Variants in FUT9 observed in about 807,000 individuals in gnomAD.
FUT9 encodes the protein 4-galactosyl-N-acetylglucosaminide 3-alpha-L-fucosyltransferase 9.
In FUT9, 15 loss-of-function variants were observed where a neutral mutation model predicts 29.7. The ratio of observed to expected loss-of-function variants is 0.51; its 90% CI spans 0.34 to 0.78. The LOEUF (loss-of-function observed/expected upper bound fraction) is 0.78, where lower values mean the gene tolerates loss of function less well. Among genes scored for constraint, FUT9 ranks in the 30% least tolerant of loss-of-function variants. The probability of loss-of-function intolerance (pLI) is 0.01; values close to 1 mark genes in which losing one functional copy is unlikely to be tolerated. For synonymous variants in FUT9, 169 were observed against 153.7 expected, an observed-to-expected ratio of 1.10 and a Z score of -0.74; for missense variants, 319 against 425.4, an observed-to-expected ratio of 0.75 and a Z score of 2.20.
chr6:96,089,077 T>C (rs1230017932), intron 1 of FUT9, among the ~76,000 whole-genome samples: 1 of 152,212 alleles, frequency 6.6e-6, no homozygotes, highest in Non-Finnish European at 1.5e-5. Flanking sequence ...TTATGAGAAT[T>C]GTTTACTCTC....
At chr6:96,202,252 A>G (rs1450234032) in intron 2 of FUT9, among the ~76,000 whole-genome samples, 1 of 152,110 alleles carries the variant, frequency 6.6e-6, no homozygotes, top group Non-Finnish European at 1.5e-5. Flanking sequence ...TTTTAGCCAC[A>G]ATCTGCTAAA....
intron 2 of FUT9, among the ~76,000 whole-genome samples, chr6:96,174,962 A>C (rs905643320): frequency 6.6e-6 from 1 of 152,176 alleles, no homozygotes; most frequent in Non-Finnish European, 1.5e-5. Context: ...TCTATCCCAA[A>C]GGGGTGGCTG....
At chr6:96,138,483 CT>C (rs58250483) in intron 2 of FUT9, among the ~76,000 whole-genome samples, 101,453 of 141,918 alleles carry the variant, frequency 0.71, 37,157 homozygotes, top group South Asian at 0.86. Context: ...GTGTTCCTTG[CT>C]TTTTTTTTTT....
chr6:96,101,611 T>A (rs1228347429), intron 1 of FUT9, among the ~76,000 whole-genome samples: 1 of 151,572 alleles, frequency 6.6e-6, no homozygotes, highest in Non-Finnish European at 1.5e-5. Flanking sequence ...ATTAAGGAGG[T>A]CACAAGTTTC....
Position 96,074,073 on chromosome 6 carries a change from C to T in FUT9, c.-97-39966C>T, listed in dbSNP as rs373022593. On this transcript the variant is annotated intron_variant, in intron 1 of 2. Transcript: ENST00000302103. ...AGTGAGAAGGTTGCAAACCATTAGC[C>T]CAGATGATTCCAGTTCTAAAAACCT... Among the ~76,000 whole-genome samples, 10 of 152,044 alleles carry T rather than the reference C, an allele frequency of 6.6e-5. No homozygotes were observed. The East Asian group carries it at 1.7e-3, about 26-fold the overall frequency.
rs1262792538 is a variant in FUT9 at position 96,206,862 on chromosome 6, C to G, written c.*2627C>G. ...AGTGAATGTTCATGATTTGAAAGAA[C>G]TGAAAGACCTAAAGGCAGTGTCTCT... On this transcript the variant is annotated 3_prime_UTR_variant, in exon 3 of 3. Coordinates refer to ENST00000302103, the MANE Select transcript of FUT9 (RefSeq NM_006581.4). The G allele has an allele frequency of 6.0e-6, 1 of 167,024 alleles. No homozygotes were observed. The highest frequency in any genetic ancestry group is 2.4e-5 in the African/African-American group (1 of 41,430). The allele number at this position is 167,024 out of a possible 1,614,324, so 10.3% of individuals were successfully genotyped here.
intron 2 of FUT9, among the ~76,000 whole-genome samples, chr6:96,163,390 G>A (rs1203936001): frequency 1.3e-5 from 2 of 151,392 alleles, no homozygotes; most frequent in Non-Finnish European, 2.9e-5. Context: ...TATTGCGGAT[G>A]AACTGTAACC....
At chr6:96,198,837 G>A (rs1773677571) in intron 2 of FUT9, among the ~76,000 whole-genome samples, 1 of 152,080 alleles carries the variant, frequency 6.6e-6, no homozygotes, top group African/African-American at 2.4e-5. Flanking sequence ...GTATCTCATT[G>A]TGGTTTTGAT....
intron 2 of FUT9, among the ~76,000 whole-genome samples, chr6:96,178,372 T>C (rs1773243888): frequency 6.6e-6 from 1 of 152,202 alleles, no homozygotes; most frequent in South Asian, 2.1e-4. Flanking sequence ...GCCCAGAAGC[T>C]AATATATGTG....
At chr6:96,174,394 G>A (rs1773167283) in intron 2 of FUT9, among the ~76,000 whole-genome samples, 1 of 151,780 alleles carries the variant, frequency 6.6e-6, no homozygotes, top group African/African-American at 2.4e-5. Context: ...ATCTACATGG[G>A]GACAGAATCA....
chr6:96,055,344 G>A (rs1160551123), intron 1 of FUT9, among the ~76,000 whole-genome samples: 1 of 150,958 alleles, frequency 6.6e-6, no homozygotes, highest in African/African-American at 2.4e-5. Context: ...CCAATAACTA[G>A]GATAATAATT....
intron 1 of FUT9, among the ~76,000 whole-genome samples, chr6:96,043,459 G>T (rs550251554): frequency 8.5e-5 from 13 of 152,294 alleles, no homozygotes; most frequent in Admixed American, 7.8e-4. Flanking sequence ...TATTTGTTTG[G>T]TTGGTTGGTT....
In FUT9 at chr6:96,163,521, G is replaced by A. The variant is rs370188511; in HGVS notation, c.-8-39627G>A. Among the ~76,000 whole-genome samples, 4 of 152,240 alleles carry A rather than the reference G, an allele frequency of 2.6e-5. No homozygotes were observed. The East Asian group carries it at 7.7e-4, about 29-fold the overall frequency. ...TTCAACCACTCATAGACTGCTAAGT[G>A]TTCAAACTGTGTTCAAATAAGGCAA... On this transcript the variant is annotated intron_variant, in intron 2 of 2. Coordinates refer to ENST00000302103, the MANE Select transcript of FUT9 (RefSeq NM_006581.4).
At chr6:96,173,222 T>C (rs896506604) in intron 2 of FUT9, among the ~76,000 whole-genome samples, 1 of 151,348 alleles carries the variant, frequency 6.6e-6, no homozygotes, top group African/African-American at 2.5e-5. Context: ...AGAATGCCTG[T>C]GTCATCTTAC....
At chr6:96,144,135 A>G (rs1772520212) in intron 2 of FUT9, among the ~76,000 whole-genome samples, 1 of 152,132 alleles carries the variant, frequency 6.6e-6, no homozygotes, top group Non-Finnish European at 1.5e-5. Context: ...ACACTCATAT[A>G]CGTAGAGTAA....
intron 2 of FUT9, among the ~76,000 whole-genome samples, chr6:96,122,545 AATTTTGTTTTG>A (rs1425382117): frequency 1.3e-5 from 2 of 152,170 alleles, no homozygotes; most frequent in Non-Finnish European, 2.9e-5. Context: ...GTATAGTTAT[AATTTTGTTTTG>A]ATTTTGTAAT....
chr6:96,196,717 A>G (rs901946923), intron 2 of FUT9, among the ~76,000 whole-genome samples: 2 of 152,104 alleles, frequency 1.3e-5, no homozygotes, highest in Non-Finnish European at 2.9e-5. Flanking sequence ...TCTCAAAAAA[A>G]TAAAATAAAA....
At chr6:96,103,056 T>C (rs1044827443) in intron 1 of FUT9, among the ~76,000 whole-genome samples, 1 of 152,064 alleles carries the variant, frequency 6.6e-6, no homozygotes, top group Non-Finnish European at 1.5e-5. Flanking sequence ...CAGTCAGAAA[T>C]AGACTTTCAG....
rs1773785227 is a variant in FUT9, at chr6:96,204,255, A to C, written c.*20A>C. On this transcript the variant is annotated 3_prime_UTR_variant, in exon 3 of 3. Coordinates refer to ENST00000302103, the MANE Select transcript of FUT9 (RefSeq NM_006581.4). The stretch of plus-strand genomic sequence containing the variant: ...AATTAAAATTTTTCATCACTTGCAC[A>C]CTTGATAAATATTTTGATGAGATAT... 7.1e-7 allele frequency: 1 copy of C among 1,407,358 alleles called. No individual in the cohort carries two copies. The highest frequency in any genetic ancestry group is 1.4e-5 in the African/African-American group (1 of 69,794). The allele number at this position is 1,407,358 out of a possible 1,614,324, so 87.2% of individuals were successfully genotyped here. A position where few individuals can be genotyped will look rare whatever the true frequency, so the allele number is the denominator to read the frequency against.
Sources: allele counts gnomAD v4.1 joint callset (sites outside exome capture counted in the v4.1 genomes callset), GRCh38; gene constraint gnomAD v4.1.1; transcripts MANE v1.5; gene names NCBI Gene and HGNC (gene_info 2026-07-23, HGNC 2026-07-21).